Variants in CELA2A observed in about 807,000 individuals in gnomAD.
CELA2A encodes chymotrypsin-like elastase family member 2A.
Under a neutral mutation model 35.3 loss-of-function variants are expected in CELA2A, and 31 were observed. That is an observed-to-expected ratio of 0.88 (90% confidence interval 0.66 to 1.19). The LOEUF (loss-of-function observed/expected upper bound fraction) is 1.19. Among genes scored for constraint, CELA2A ranks in the 50% most tolerant of loss-of-function variants. The probability of loss-of-function intolerance (pLI) is 0.00; values close to 1 mark genes in which losing one functional copy is unlikely to be tolerated. For synonymous variants in CELA2A, 150 were observed against 149.8 expected, an observed-to-expected ratio of 1.00 and a Z score of -0.01; for missense variants, 330 against 352.9, an observed-to-expected ratio of 0.94 and a Z score of 0.52.
At chr1:15,470,643 T>G (rs1314691250) in intron 7 of CELA2A, among the ~76,000 whole-genome samples, 2 of 152,168 alleles carry the variant, frequency 1.3e-5, no homozygotes, top group Non-Finnish European at 2.9e-5. Context: ...TGCAGTGGCT[T>G]GATCGCAGCT....
intron 4 of CELA2A, 138 bp downstream of exon 4, chr1:15,462,999 A>T (rs1708460252): frequency 7.7e-7 from 1 of 1,294,192 alleles, no homozygotes; most frequent in Non-Finnish European, 1.1e-6. Context: ...GGCCTCTTAG[A>T]TGTGGAACCA....
intron 4 of CELA2A, 131 bp downstream of exon 4, chr1:15,462,992 C>A: frequency 7.4e-7 from 1 of 1,354,466 alleles, no homozygotes; most frequent in Non-Finnish European, 1.0e-6. Flanking sequence ...GAGCTCTGGC[C>A]TCTTAGATGT....
chr1:15,466,692 T>G (rs1240667086), intron 6 of CELA2A, among the ~76,000 whole-genome samples: 1 of 152,236 alleles, frequency 6.6e-6, no homozygotes, highest in Admixed American at 6.5e-5. Flanking sequence ...CTCTCGTGAC[T>G]GTCACTATGT....
chr1:15,466,169 G>C, intron 6 of CELA2A, 25 bp downstream of exon 6: 2 of 1,610,270 alleles, frequency 1.2e-6, no homozygotes, highest in Non-Finnish European at 1.7e-6. Context: ...CAGGGGCTCC[G>C]CTCCATGACA....
chr1:15,462,738 C>A lies in CELA2A; in HGVS notation c.233C>A (p.Ser78Tyr). 6.2e-7 allele frequency: 1 copy of A among 1,614,038 alleles called. No homozygotes were observed. Among genetic ancestry groups the A allele is most frequent in the Non-Finnish European group, 8.5e-7 (1 of 1,179,988 alleles). ...CTGGGCCCCCTTTCTCCCAGCTCCTCCAGGACCTACCGCGTGGGGCTGGGC... is the reference window on the plus strand; with the variant it reads ...CTGGGCCCCCTTTCTCCCAGCTCCTACAGGACCTACCGCGTGGGGCTGGGC... ...VLTAAHCISSSRTYRVGLGRH... is the reference protein window; with the variant it reads ...VLTAAHCISSYRTYRVGLGRH... Residue 78 changes from serine to tyrosine, a missense_variant, in exon 4 of 8, where the codon TCC becomes TAC. By Grantham distance (144) the Ser-to-Tyr change is moderately radical. Coordinates refer to ENST00000359621, the MANE Select transcript of CELA2A (RefSeq NM_033440.3).
At chr1:15,464,788 C>T (rs188269438) in intron 5 of CELA2A, among the ~76,000 whole-genome samples, 11 of 152,206 alleles carry the variant, frequency 7.2e-5, no homozygotes, top group African/African-American at 2.4e-4. Flanking sequence ...AGTGGGGAGG[C>T]CTCCAAATGC....
intron 6 of CELA2A, among the ~76,000 whole-genome samples, 156 bp from the exon 7 acceptor site, chr1:15,467,230 G>C (rs1227139256): frequency 6.6e-6 from 1 of 152,218 alleles, no homozygotes; most frequent in African/African-American, 2.4e-5. Flanking sequence ...GTTGGCTCTT[G>C]TTGGAATTAT....
In CELA2A at chr1:15,467,459, G is replaced by T. The variant is rs1375128543; in HGVS notation, c.713G>T (p.Gly238Val). The part of the protein sequence containing the change: ...RWQVHGIVSF[G>V]SRLGCNYYHK... ...CAGGTGCACGGCATCGTCAGCTTCG[G>T]GTCTCGCCTCGGCTGCAACTACTAC... Residue 238 changes from glycine (G) to valine (V), a missense_variant, in exon 7 of 8, where the codon GGG becomes GTG. Coordinates refer to ENST00000359621, the MANE Select transcript of CELA2A (RefSeq NM_033440.3). The T allele has an allele frequency of 1.2e-6, 2 of 1,614,116 alleles. No individual in the cohort carries two copies. Among genetic ancestry groups the T allele is most frequent in the South Asian group, 2.2e-5 (2 of 91,086 alleles).
intron 5 of CELA2A, among the ~76,000 whole-genome samples, chr1:15,464,661 A>C (rs1182204639): frequency 6.6e-6 from 1 of 152,174 alleles, no homozygotes; most frequent in African/African-American, 2.4e-5. Context: ...GACACATCAA[A>C]TCCTGCGGTG....
At position 15,471,836 on chromosome 1, in the gene CELA2A, G is replaced by A. The variant is rs557904249; in HGVS notation, c.793-154G>A. On this transcript the variant is annotated intron_variant, in intron 7 of 7. Transcript: ENST00000359621. ...AAGCTGTGATCACATCTTTTTTTCCGAAACGTCATCAGAACTCCTCAGGCA... is the reference window on the plus strand; with the variant it reads ...AAGCTGTGATCACATCTTTTTTTCCAAAACGTCATCAGAACTCCTCAGGCA... 5.9e-5 allele frequency among the ~76,000 whole-genome samples: 9 copies of A among 152,054 alleles called. No individual in the cohort carries two copies. The South Asian group carries it at 1.9e-3, about 32-fold the overall frequency.
chr1:15,457,232 C>T (rs1708374706), intron 2 of CELA2A, 58 bp downstream of exon 2: 1 of 1,531,560 alleles, frequency 6.5e-7, no homozygotes, highest in Non-Finnish European at 9.0e-7. Context: ...TACATCTCCC[C>T]TTTGCCCTTC....
intron 2 of CELA2A, among the ~76,000 whole-genome samples, chr1:15,457,792 T>C (rs1708381933): frequency 6.6e-6 from 1 of 152,162 alleles, no homozygotes; most frequent in Non-Finnish European, 1.5e-5. Context: ...CTAGGAACCA[T>C]TCAAGACTAC....
At chr1:15,467,711 A>T (rs545681017) in intron 7 of CELA2A, among the ~76,000 whole-genome samples, 173 bp downstream of exon 7, 39 of 152,264 alleles carry the variant, frequency 2.6e-4, no homozygotes, top group African/African-American at 9.1e-4. Flanking sequence ...TGGGTCCCCC[A>T]AATTTCTGTG....
At position 15,467,551 on chromosome 1, in the gene CELA2A, C is replaced by G. The variant is rs778214540; in HGVS notation, c.792+13C>G. 2.2e-5 allele frequency: 36 copies of G among 1,613,448 alleles called. No individual in the cohort carries two copies. The highest frequency in any genetic ancestry group is 1.1e-4 in the East Asian group (5 of 44,882). On this transcript the variant is annotated intron_variant, in intron 7 of 7. Coordinates refer to ENST00000359621, the MANE Select transcript of CELA2A (RefSeq NM_033440.3). ...CTGGATCAATTCGGTAAGAACCGGACCAGCCCTGAGCCCCAAGGCACTACC... is the reference window on the plus strand; with the variant it reads ...CTGGATCAATTCGGTAAGAACCGGAGCAGCCCTGAGCCCCAAGGCACTACC...
At chr1:15,467,757 G>A (rs778235596) in intron 7 of CELA2A, among the ~76,000 whole-genome samples, 29 of 152,140 alleles carry the variant, frequency 1.9e-4, no homozygotes, top group Admixed American at 1.8e-3. Flanking sequence ...ATAGAGGGTG[G>A]CCTTGTCCAA....
Position 15,456,781 on chromosome 1 carries a change from T to C in CELA2A, c.28T>C (p.Leu10=). 6.2e-7 allele frequency: 1 copy of C among 1,614,150 alleles called. No homozygotes were observed. The highest frequency in any genetic ancestry group is 8.5e-7 in the Non-Finnish European group (1 of 1,180,016). MIRTLLLST[L]VAGALSCGDP... The stretch of plus-strand genomic sequence containing the variant: ...GATAAGGACGCTGCTGCTGTCCACT[T>C]TGGTGGCTGGAGGTAAGTCCTGTTA... Residue 10 remains leucine (L), a synonymous_variant, in exon 1 of 8, where the codon TTG becomes CTG. Coordinates refer to ENST00000359621, the MANE Select transcript of CELA2A (RefSeq NM_033440.3).
At chr1:15,463,070 GC>G in intron 4 of CELA2A, 3 of 828,120 alleles carry the variant, frequency 3.6e-6, no homozygotes, top group Non-Finnish European at 1.9e-6. Flanking sequence ...GACTGCCAGA[GC>G]GACCTGGGTT....
intron 2 of CELA2A, among the ~76,000 whole-genome samples, chr1:15,458,276 A>G (rs1338938633): frequency 1.3e-5 from 2 of 152,078 alleles, no homozygotes; most frequent in Non-Finnish European, 2.9e-5. Context: ...TTATGAGCCC[A>G]TCCAATCTTT....
At chr1:15,465,101 T>C (rs1416916712) in intron 5 of CELA2A, among the ~76,000 whole-genome samples, 5 of 134,356 alleles carry the variant, frequency 3.7e-5, no homozygotes, top group Non-Finnish European at 7.7e-5. Flanking sequence ...AACCTCTGCC[T>C]CCCGAGCTCA....
Sources: allele counts gnomAD v4.1 joint callset (sites outside exome capture counted in the v4.1 genomes callset), GRCh38; gene constraint gnomAD v4.1.1; transcripts MANE v1.5; gene names NCBI Gene and HGNC (gene_info 2026-07-23, HGNC 2026-07-21).